Variants in SEMA6D observed in about 807,000 individuals in gnomAD.
SEMA6D encodes the protein semaphorin 6D, also known as semaphorin-6D.
SEMA6D carries 35 observed loss-of-function variants against 106.6 expected under a neutral mutation model. The observed-to-expected ratio is 0.33, with a 90% CI of 0.25 to 0.44. The LOEUF (loss-of-function observed/expected upper bound fraction) is 0.44. Ranked by LOEUF, SEMA6D falls within the 20% of genes least tolerant of loss-of-function variation. SEMA6D has a pLI of 1.00. For synonymous variants in SEMA6D, 499 were observed against 487.7 expected (o/e 1.02, Z -0.31); for missense variants, 1,185 against 1,345.9 (o/e 0.88, Z 1.87).
intron 3 of SEMA6D, among the ~76,000 whole-genome samples, chr15:47,554,467 A>G (rs1242087690): frequency 6.6e-6 from 1 of 152,232 alleles, no homozygotes; most frequent in Non-Finnish European, 1.5e-5. Flanking sequence ...TCAATGATGT[A>G]GCCATGGAAG....
At chr15:47,498,478 G>C (rs1596159149) in intron 3 of SEMA6D, among the ~76,000 whole-genome samples, 2 of 152,096 alleles carry the variant, frequency 1.3e-5, no homozygotes, top group East Asian at 3.9e-4. Flanking sequence ...GGGAAAGAGA[G>C]GTGCTTTCTC....
At chr15:47,418,213 A>G (rs989437431) in intron 2 of SEMA6D, among the ~76,000 whole-genome samples, 11 of 152,224 alleles carry the variant, frequency 7.2e-5, no homozygotes, top group African/African-American at 2.4e-4. Flanking sequence ...TGTTCTAGGC[A>G]GAGAGAACAG....
At chr15:47,407,969 T>C (rs1157525303) in intron 1 of SEMA6D, among the ~76,000 whole-genome samples, 1 of 152,102 alleles carries the variant, frequency 6.6e-6, no homozygotes, top group Non-Finnish European at 1.5e-5. Context: ...TGAAAGGACG[T>C]GGTGAAGACT....
chr15:47,577,211 CT>C (rs1436898417), intron 3 of SEMA6D, among the ~76,000 whole-genome samples: 4 of 152,208 alleles, frequency 2.6e-5, no homozygotes, highest in Non-Finnish European at 5.9e-5. Flanking sequence ...ATTTTCTCTC[CT>C]TTTCCCCTGA....
At chr15:47,464,114 G>T (rs992780010) in intron 2 of SEMA6D, among the ~76,000 whole-genome samples, 52 of 152,136 alleles carry the variant, frequency 3.4e-4, no homozygotes, top group Non-Finnish European at 1.6e-4. Flanking sequence ...AGGTTTCAGG[G>T]GTTATGATCT....
intron 2 of SEMA6D, among the ~76,000 whole-genome samples, chr15:47,421,067 G>A (rs897268348): frequency 6.6e-6 from 1 of 152,102 alleles, no homozygotes; most frequent in African/African-American, 2.4e-5. Context: ...TAGATGATAC[G>A]AGTCAGTGAA....
chr15:47,719,439 A>G (rs1340644491), intron 1 of SEMA6D, among the ~76,000 whole-genome samples: 1 of 152,186 alleles, frequency 6.6e-6, no homozygotes, highest in Non-Finnish European at 1.5e-5. Flanking sequence ...TGAAAGGGCA[A>G]TGAGTAGGAC....
chr15:47,370,296 G>C (rs548506223), intron 1 of SEMA6D, among the ~76,000 whole-genome samples: 9 of 152,134 alleles, frequency 5.9e-5, no homozygotes, highest in Non-Finnish European at 1.2e-4. Flanking sequence ...TAGTGGAGCA[G>C]TTGAGCTCAG....
chr15:47,452,803 T>C (rs2042231767), intron 2 of SEMA6D, among the ~76,000 whole-genome samples: 1 of 152,004 alleles, frequency 6.6e-6, no homozygotes, highest in Admixed American at 6.6e-5. Flanking sequence ...GGAATTTCAA[T>C]TTGGTCTTCT....
intron 1 of SEMA6D, among the ~76,000 whole-genome samples, chr15:47,264,304 T>C (rs1406237304): frequency 6.6e-6 from 1 of 151,718 alleles, no homozygotes; most frequent in Non-Finnish European, 1.5e-5. Flanking sequence ...AGTTTACTTA[T>C]GTAATAAACC....
intron 3 of SEMA6D, among the ~76,000 whole-genome samples, chr15:47,505,061 G>A (rs1010476281): frequency 6.6e-6 from 1 of 152,056 alleles, no homozygotes; most frequent in African/African-American, 2.4e-5. Context: ...GTGGCTGTTT[G>A]CGGAAGTGGA....
intron 1 of SEMA6D, among the ~76,000 whole-genome samples, chr15:47,348,727 CAGAGAGAG>C (rs55719976): frequency 5.3e-5 from 3 of 57,052 alleles, no homozygotes; most frequent in Non-Finnish European, 8.0e-5. Context: ...ACCACACACA[CAGAGAGAG>C]AGAGAGAGAG....
chr15:47,495,079 A>G (rs1457921460), intron 3 of SEMA6D, among the ~76,000 whole-genome samples: 8 of 151,570 alleles, frequency 5.3e-5, no homozygotes, highest in Non-Finnish European at 1.2e-4. Flanking sequence ...TAAAAGGTCA[A>G]CTCCATGAGG....
chr15:47,477,568 A>T (rs541275426), intron 3 of SEMA6D, among the ~76,000 whole-genome samples: 6 of 152,222 alleles, frequency 3.9e-5, no homozygotes, highest in Non-Finnish European at 5.9e-5. Flanking sequence ...TGCTGTCATC[A>T]TAAATAAATT....
intron 1 of SEMA6D, chr15:47,359,524 G>C (rs745935854): frequency 6.6e-5 from 10 of 152,092 alleles, no homozygotes; most frequent in African/African-American, 2.4e-4. Context: ...AGCAGAATGC[G>C]TGTAAAAACT....
At chr15:47,619,066 C>T (rs16959883) in intron 4 of SEMA6D, among the ~76,000 whole-genome samples, 37,446 of 152,042 alleles carry the variant, frequency 0.25, 5,443 homozygotes, top group East Asian at 0.46. Flanking sequence ...ACTCAGCCGA[C>T]GTTGCAGGAT....
rs538550555 is a variant in SEMA6D, at chr15:47,647,384, G to A, written c.-55+46488G>A. Among the ~76,000 whole-genome samples the A allele has an allele frequency of 6.6e-5, 10 of 152,240 alleles. No homozygotes were observed. The East Asian group carries it at 1.5e-3, about 24-fold the overall frequency. On this transcript the variant is annotated intron_variant, in intron 4 of 19. Coordinates refer to the SEMA6D transcript ENST00000558014. Reference sequence around the variant, plus strand: ...TTTGAACTAACAGGATTACATGATCGGAATTGTATTCATGGAAGGTCTTTA... The same window carrying A: ...TTTGAACTAACAGGATTACATGATCAGAATTGTATTCATGGAAGGTCTTTA...
chr15:47,672,749 C>CT (rs2078162853), intron 4 of SEMA6D, among the ~76,000 whole-genome samples: 1 of 152,174 alleles, frequency 6.6e-6, no homozygotes, highest in Admixed American at 6.5e-5. Context: ...TTTCACTCAA[C>CT]TTGAGGTGTT....
rs2076285983 is a variant in SEMA6D at position 47,583,415 on chromosome 15, C to G, written c.-86-17450C>G. 3.9e-5 allele frequency among the ~76,000 whole-genome samples: 6 copies of G among 152,128 alleles called. No individual in the cohort carries two copies. In the South Asian group the frequency reaches 1.2e-3, roughly 31 times the overall value. On this transcript the variant is annotated intron_variant, in intron 3 of 19. Coordinates refer to the SEMA6D transcript ENST00000558014. ...CAAGGGGCATCTTCTGCTCGTGAGA[C>G]CATTCAAGGATGTTCTCTGGGGATT...
Sources: gnomAD v4.1 joint callset for allele counts (sites outside exome capture counted in the v4.1 genomes callset) on GRCh38, gnomAD v4.1.1 for gene constraint, MANE v1.5 for transcripts, NCBI Gene and HGNC (gene_info 2026-07-23, HGNC 2026-07-21) for gene names.